Variants in PTPRO observed in about 807,000 individuals in gnomAD.
PTPRO encodes the protein protein tyrosine phosphatase receptor type O, also known as receptor-type tyrosine-protein phosphatase O.
A neutral mutation model predicts 145.2 loss-of-function variants in PTPRO; 62 were observed. The observed-to-expected ratio is 0.43, with a 90% confidence interval of 0.35 to 0.53. PTPRO has a LOEUF of 0.53. Ranked by LOEUF, PTPRO falls within the 20% of genes least tolerant of loss-of-function variation. The probability of loss-of-function intolerance (pLI) is 0.01; values close to 1 mark genes in which losing one functional copy is unlikely to be tolerated. For missense variants in PTPRO, 1,345 were observed against 1,482.7 expected (o/e 0.91, Z 1.53); for synonymous variants, 565 against 514.7 (o/e 1.10, Z -1.32).
At chr12:15,519,130 T>C (rs931611758) in intron 9 of PTPRO, among the ~76,000 whole-genome samples, 1 of 152,202 alleles carries the variant, frequency 6.6e-6, no homozygotes, top group Non-Finnish European at 1.5e-5. Context: ...CCCACAATCA[T>C]GGCGGGAGGC....
In PTPRO at chr12:15,516,635, A is replaced by AGGGAGGGAGGGAGGGAGGGAGGG; in HGVS notation, c.1586-128_1586-127insGGGAGGGAGGGAGGGAGGGAGGG. 4.4e-6 allele frequency: 3 copies of AGGGAGGGAGGGAGGGAGGGAGGG among 684,424 alleles called. No homozygotes were observed. In the African/African-American group the frequency reaches 6.2e-5, roughly 14 times the overall value. 42.4% of individuals were successfully genotyped at this position (684,424 alleles called of 1,614,324 possible). On this transcript the variant is annotated intron_variant, in intron 8 of 26. Transcript: ENST00000281171. ...GGAGGAAGGAAGGAAGGAAGGAAGG[A>AGGGAGGGAGGGAGGGAGGGAGGG]AGGGAGGGAGGGAGGTAGGTATTGT... is the stretch of plus-strand genomic sequence containing the variant.
intron 12 of PTPRO, among the ~76,000 whole-genome samples, chr12:15,535,464 A>G (rs1234197799): frequency 6.6e-6 from 1 of 152,190 alleles, no homozygotes; most frequent in East Asian, 1.9e-4. Flanking sequence ...GCACACCACC[A>G]TCATCAAACT....
intron 1 of PTPRO, among the ~76,000 whole-genome samples, chr12:15,384,959 T>C (rs1355602863): frequency 6.6e-6 from 1 of 152,182 alleles, no homozygotes; most frequent in East Asian, 1.9e-4. Flanking sequence ...CTGTAGTTAG[T>C]GATGCTTTTC....
chr12:15,484,139 C>A lies in PTPRO; in HGVS notation c.241C>A (p.Pro81Thr), dbSNP rs1941837551. 1.2e-6 allele frequency: 2 copies of A among 1,613,658 alleles called. No homozygotes were observed. The highest frequency in any genetic ancestry group is 1.3e-5 in the African/African-American group (1 of 74,890). Residue 81 changes from proline (P) to threonine (T), a missense_variant, in exon 2 of 27, where the codon CCT becomes ACT. By Grantham distance (38) the Pro-to-Thr change is conservative. Around this residue, in one of 3 missense-constraint regions of PTPRO, gnomAD observed 1,130 missense variants for 1,214.7 expected, o/e 0.93. Coordinates refer to ENST00000281171, the MANE Select transcript of PTPRO (RefSeq NM_030667.3). ...FEEFNSTLPP[P>T]VIFKASYHGL... ...GGAATTCAACAGCACTTTGCCTCCT[C>A]CTGTTATTTTCAAGGCCAGTTATCA...
In PTPRO at chr12:15,322,668, G is replaced by T; in HGVS notation, c.-59G>T. On this transcript the variant is annotated 5_prime_UTR_variant, in exon 1 of 27. Transcript: ENST00000281171. This position sits in a 1 kb window ranked among gnomAD's most constrained non-coding sequence, Gnocchi z 6.3. ...CTGCAGCCCCAGTTCGCCATTGTGA[G>T]CCGCCGCCGGGGGAGTCCGCTAGCG... is the stretch of plus-strand genomic sequence containing the variant. 6.8e-7 allele frequency: 1 copy of T among 1,473,106 alleles called. No homozygotes were observed. 91.3% of individuals were successfully genotyped at this position (1,473,106 alleles called of 1,614,324 possible).
intron 1 of PTPRO, among the ~76,000 whole-genome samples, chr12:15,332,316 TAGC>T (rs1352882482): frequency 6.6e-6 from 1 of 152,208 alleles, no homozygotes; most frequent in Non-Finnish European, 1.5e-5. Flanking sequence ...AAAGAAAACA[TAGC>T]AGCAAGATCA....
chr12:15,442,445 A>T (rs938029148), intron 1 of PTPRO, among the ~76,000 whole-genome samples: 1 of 152,208 alleles, frequency 6.6e-6, no homozygotes, highest in Non-Finnish European at 1.5e-5. Flanking sequence ...CAAAACAAGG[A>T]TGCCCACTCT....
chr12:15,527,383 C>T (rs530533684), intron 12 of PTPRO, among the ~76,000 whole-genome samples: 1 of 152,312 alleles, frequency 6.6e-6, no homozygotes, highest in African/African-American at 2.4e-5. Context: ...GGCTCCCTGG[C>T]AGGAAATCTG....
intron 12 of PTPRO, among the ~76,000 whole-genome samples, chr12:15,535,846 A>G (rs1397784196): frequency 6.6e-6 from 1 of 152,220 alleles, no homozygotes; most frequent in Admixed American, 6.5e-5. Context: ...TTACTCATAC[A>G]AACCTTTATA....
chr12:15,373,908 T>C (rs1317425669), intron 1 of PTPRO, among the ~76,000 whole-genome samples: 1 of 152,186 alleles, frequency 6.6e-6, no homozygotes, highest in African/African-American at 2.4e-5. Context: ...ATGGGTCATT[T>C]TGTACTCACA....
intron 12 of PTPRO, among the ~76,000 whole-genome samples, chr12:15,536,345 C>G (rs1943065054): frequency 6.6e-6 from 1 of 151,968 alleles, no homozygotes; most frequent in African/African-American, 2.4e-5. Context: ...TGAGTCAGAG[C>G]CTAAAGGAGA....
chr12:15,442,083 T>C (rs1683557476), intron 1 of PTPRO, among the ~76,000 whole-genome samples: 1 of 152,052 alleles, frequency 6.6e-6, no homozygotes, highest in African/African-American at 2.4e-5. Context: ...CTGATGAACA[T>C]AGATGCAAAA....
chr12:15,541,564 G>A (rs1943180336), intron 12 of PTPRO, among the ~76,000 whole-genome samples: 1 of 152,218 alleles, frequency 6.6e-6, no homozygotes, highest in African/African-American at 2.4e-5. Flanking sequence ...CCTGAGGCTT[G>A]CAGATGATCA....
intron 2 of PTPRO, among the ~76,000 whole-genome samples, chr12:15,491,712 C>T (rs527830137): frequency 1.4e-4 from 22 of 152,122 alleles, no homozygotes; most frequent in Non-Finnish European, 2.5e-4. Context: ...AAAAGAAAAG[C>T]AGAAGCACAT....
At chr12:15,586,861 A>G in intron 23 of PTPRO, 36 bp from the exon 24 acceptor site, 1 of 1,613,746 alleles carries the variant, frequency 6.2e-7, no homozygotes, top group Non-Finnish European at 8.5e-7. Flanking sequence ...AGTGAACTGA[A>G]AAATTAATGC....
intron 1 of PTPRO, among the ~76,000 whole-genome samples, chr12:15,396,372 G>T (rs1281948007): frequency 1.3e-5 from 2 of 151,910 alleles, no homozygotes; most frequent in African/African-American, 4.8e-5. Context: ...ATAATTATTA[G>T]GCATGTATCA....
rs1944553716 is a variant in PTPRO, at chr12:15,591,553, GT to G, written c.3546+1967del. ...TCGCTTTCTGCAAAGCCAAGAAAAC[GT>G]TTTGTTTTCTCCCTAAATGTTTTAC... On this transcript the variant is annotated intron_variant, in intron 25 of 26. Transcript: ENST00000281171. Among the ~76,000 whole-genome samples the G allele has an allele frequency of 2.0e-5, 3 of 152,052 alleles. No individual in the cohort carries two copies. The South Asian group carries it at 6.2e-4, about 32-fold the overall frequency.
intron 23 of PTPRO, among the ~76,000 whole-genome samples, chr12:15,582,511 G>GT (rs1248124338): frequency 6.6e-6 from 1 of 152,194 alleles, no homozygotes; most frequent in Non-Finnish European, 1.5e-5. Context: ...AGAAGACGCA[G>GT]TAAAAAGTCT....
At chr12:15,512,395 G>A (rs553476631) in intron 7 of PTPRO, among the ~76,000 whole-genome samples, 13 of 152,246 alleles carry the variant, frequency 8.5e-5, no homozygotes, top group East Asian at 3.9e-4. Context: ...GATTACAGGC[G>A]TGAGCCACTG....
Sources: allele counts gnomAD v4.1 joint callset (sites outside exome capture counted in the v4.1 genomes callset), GRCh38; gene constraint gnomAD v4.1.1; regional missense constraint gnomAD v4.1.1; non-coding constraint Gnocchi (gnomAD v3.1); transcripts MANE v1.5; gene names NCBI Gene and HGNC (gene_info 2026-07-23, HGNC 2026-07-21).